Variants in IGDCC4 observed in about 807,000 individuals in gnomAD.
The protein encoded by IGDCC4 is likely ortholog of mouse neighbor of Punc E11.
Under a neutral mutation model 116.6 loss-of-function variants are expected in IGDCC4, and 72 were observed. That is an observed-to-expected ratio of 0.62 (90% confidence interval 0.51 to 0.75). The LOEUF (loss-of-function observed/expected upper bound fraction) is 0.75, where lower values mean the gene tolerates loss of function less well. Ranked by LOEUF, IGDCC4 falls within the 30% of genes least tolerant of loss-of-function variation. The probability of loss-of-function intolerance (pLI) is 0.00; values close to 1 mark genes in which losing one functional copy is unlikely to be tolerated. For missense variants in IGDCC4, 1,501 were observed against 1,662.4 expected, an observed-to-expected ratio of 0.90 and a Z score of 1.69; for synonymous variants, 709 against 719.9, an observed-to-expected ratio of 0.98 and a Z score of 0.24.
At position 65,402,551 on chromosome 15, in the gene IGDCC4, G is replaced by A. The variant is rs990495632; in HGVS notation, c.564-64C>T. 3.4e-5 allele frequency: 52 copies of A among 1,531,562 alleles called. No homozygotes were observed. In the East Asian group the frequency reaches 1.1e-3, roughly 34 times the overall value. 94.9% of individuals were successfully genotyped at this position (1,531,562 alleles called of 1,614,324 possible). A position where few individuals can be genotyped will look rare whatever the true frequency, so the allele number is the denominator to read the frequency against. ...GGGGGCCACAGGGAGGGTGGCTCAT[G>A]GTAAGATAAATGCAAATTAAAACTC... On this transcript the variant is annotated intron_variant, in intron 3 of 19. Transcript: ENST00000352385.
intron 3 of IGDCC4, among the ~76,000 whole-genome samples, chr15:65,404,704 T>C (rs1384383832): frequency 1.3e-5 from 2 of 150,598 alleles, no homozygotes; most frequent in African/African-American, 2.4e-5. Flanking sequence ...AATTAATGAA[T>C]GAATGAATTC....
rs1279969106 is a variant in IGDCC4, at chr15:65,384,232, G to T, written c.3530C>A (p.Ala1177Glu). ...ISGVGDPGQG[A>E]AWLDRELGGC... ...TCCCAACTCCCTGTCCAGCCAGGCT[G>T]CCCCCTGCCCTGGATCCCCAACACC... is the stretch of plus-strand genomic sequence containing the variant. The change falls in exon 20 of 20, where the codon GCA (alanine) becomes GAA (glutamate). Residue 1177 changes from alanine to glutamate, a missense_variant. Ala to Glu is a moderately radical substitution (Grantham distance 107). Around this residue, in one of 3 missense-constraint regions of IGDCC4, gnomAD observed 368 missense variants for 355.6 expected, o/e 1.03. Transcript: ENST00000352385. The surrounding 1 kb of genome is among the most constrained non-coding windows in gnomAD (Gnocchi z 4.9). 1 of 1,598,768 alleles carries T rather than the reference G, an allele frequency of 6.3e-7. No individual in the cohort carries two copies. Among genetic ancestry groups the T allele is most frequent in the Non-Finnish European group, 8.6e-7 (1 of 1,169,178 alleles).
In IGDCC4 at chr15:65,384,240, C is replaced by T. The variant is rs1396751557; in HGVS notation, c.3522G>A (p.Gly1174=). The part of the protein sequence containing the change: ...PDLISGVGDP[G]QGAAWLDREL... ...CCCTGTCCAGCCAGGCTGCCCCCTG[C>T]CCTGGATCCCCAACACCCGAGATGA... Residue 1174 remains glycine (G), a synonymous_variant, in exon 20 of 20, where the codon GGG becomes GGA. Coordinates refer to ENST00000352385, the MANE Select transcript of IGDCC4 (RefSeq NM_020962.3). The surrounding 1 kb of genome is among the most constrained non-coding windows in gnomAD (Gnocchi z 4.9). The T allele has an allele frequency of 3.1e-6, 5 of 1,599,796 alleles. No individual in the cohort carries two copies. Among genetic ancestry groups the T allele is most frequent in the Admixed American group, 1.7e-5 (1 of 59,250 alleles).
At chr15:65,398,688 G>A (rs961528529) in intron 5 of IGDCC4, among the ~76,000 whole-genome samples, 1 of 152,044 alleles carries the variant, frequency 6.6e-6, no homozygotes, top group African/African-American at 2.4e-5. Flanking sequence ...TCAGGAGATG[G>A]AGACCATCCT....
At position 65,395,258 on chromosome 15, in the gene IGDCC4, C is replaced by A. The variant is rs2140205506; in HGVS notation, c.1412G>T (p.Gly471Val). Residue 471 changes from glycine (G) to valine (V), a missense_variant and splice_region_variant, in exon 8 of 20, where the codon GGC (glycine) becomes GTC (valine). Physicochemically the swap from Gly to Val is moderately radical, Grantham distance 109. Around this residue, in one of 3 missense-constraint regions of IGDCC4, gnomAD observed 898 missense variants for 978.9 expected, o/e 0.92. Coordinates refer to ENST00000352385, the MANE Select transcript of IGDCC4 (RefSeq NM_020962.3). ...AAACTGGTATTCCACATTGTCCATG[C>A]CTGGTGACACGGGGGACAAGGGGAC... The part of the protein sequence containing the change: ...GFSLHYQKAR[G>V]MDNVEYQFAV... 6.2e-7 allele frequency: 1 copy of A among 1,608,416 alleles called. No homozygotes were observed. Among genetic ancestry groups the A allele is most frequent in the Non-Finnish European group, 8.5e-7 (1 of 1,175,592 alleles).
At chr15:65,389,502 A>G in intron 13 of IGDCC4, 91 bp from the exon 14 acceptor site, 1 of 1,571,022 alleles carries the variant, frequency 6.4e-7, no homozygotes, top group Non-Finnish European at 8.7e-7. Flanking sequence ...AGTCAGCCCC[A>G]GCCCCAGGCT....
chr15:65,414,255 T>C (rs1391694788), intron 1 of IGDCC4, among the ~76,000 whole-genome samples: 6 of 152,230 alleles, frequency 3.9e-5, no homozygotes, highest in Non-Finnish European at 7.3e-5. Context: ...GGACCTGACC[T>C]GGGCTGCTGC....
rs370933840 is a variant in IGDCC4 at position 65,410,166 on chromosome 15, C to G, written c.563+12G>C. The stretch of plus-strand genomic sequence containing the variant: ...CTGCCTACCAGGACCCGCTCCCCTA[C>G]AGGGCACTCACCGAGGCTCCTCAGG... On this transcript the variant is annotated intron_variant, in intron 3 of 19. Coordinates refer to ENST00000352385, the MANE Select transcript of IGDCC4 (RefSeq NM_020962.3). 3 of 1,612,122 alleles carry G rather than the reference C, an allele frequency of 1.9e-6. No individual in the cohort carries two copies. In the African/African-American group the frequency reaches 4.0e-5, roughly 21 times the overall value.
chr15:65,395,799 C>T lies in IGDCC4; in HGVS notation c.1362G>A (p.Met454Ile). The change falls in exon 7 of 20, where the codon ATG becomes ATA. Residue 454 changes from methionine to isoleucine, a missense_variant. This residue lies in a region of IGDCC4 where 898 missense variants were observed against 978.9 expected (regional missense o/e 0.92). Coordinates refer to ENST00000352385, the MANE Select transcript of IGDCC4 (RefSeq NM_020962.3). The part of the protein sequence containing the change: ...AVLVAWERPE[M>I]HSEQIIGFSL... ...AGAAGCCGATGATCTGCTCGCTGTG[C>T]ATCTCGGGCCGCTCCCAGGCCACCA... 6.7e-7 allele frequency: 1 copy of T among 1,490,944 alleles called. No individual in the cohort carries two copies. Among genetic ancestry groups the T allele is most frequent in the Non-Finnish European group, 9.0e-7 (1 of 1,115,146 alleles). 92.4% of individuals were successfully genotyped at this position (1,490,944 alleles called of 1,614,324 possible).
Position 65,388,397 on chromosome 15 carries a change from G to A in IGDCC4, c.2845+52C>T, listed in dbSNP as rs1322184041. The A allele has an allele frequency of 3.4e-5, 54 of 1,610,534 alleles. 1 individual carries two copies. The Admixed American group carries it at 8.8e-4, about 26-fold the overall frequency. ...AATGAAATTGTAGTTGTGTCCACAG[G>A]CAGGGGCTTGGAAGTCAATCCAGGG... On this transcript the variant is annotated intron_variant, in intron 16 of 19. Coordinates refer to ENST00000352385, the MANE Select transcript of IGDCC4 (RefSeq NM_020962.3).
intron 1 of IGDCC4, among the ~76,000 whole-genome samples, chr15:65,418,756 T>G (rs957833339): frequency 6.6e-6 from 1 of 152,132 alleles, no homozygotes; most frequent in Non-Finnish European, 1.5e-5. Context: ...GGTAATGACA[T>G]CTGCTCTGCA....
chr15:65,399,999 G>C (rs2062969269), intron 5 of IGDCC4, among the ~76,000 whole-genome samples: 1 of 152,172 alleles, frequency 6.6e-6, no homozygotes, highest in Non-Finnish European at 1.5e-5. Context: ...GAACAGACTT[G>C]AAAGCTTGGG....
Position 65,396,114 on chromosome 15 carries a change from C to T in IGDCC4, c.1047G>A (p.Ala349=). Residue 349 remains alanine, a synonymous_variant, in exon 7 of 20, where the codon GCG becomes GCA. Coordinates refer to ENST00000352385, the MANE Select transcript of IGDCC4 (RefSeq NM_020962.3). ...QAPEALSRTR[A]STARFVCRAS... ...CGCGGCACACGAAGCGCGCTGTGCT[C>T]GCCCGCGTCCGCGACAGCGCCTCGG... is the stretch of plus-strand genomic sequence containing the variant. The T allele has an allele frequency of 6.9e-7, 1 of 1,452,772 alleles. No homozygotes were observed. The highest frequency in any genetic ancestry group is 9.0e-7 in the Non-Finnish European group (1 of 1,109,770). The allele number at this position is 1,452,772 out of a possible 1,614,324, so 90.0% of individuals were successfully genotyped here.
At chr15:65,396,249 C>T (rs1595782597) in intron 6 of IGDCC4, 86 bp from the exon 7 acceptor site, 1 of 1,354,102 alleles carries the variant, frequency 7.4e-7, no homozygotes, top group Non-Finnish European at 1.0e-6. Flanking sequence ...CTGCCCCCCA[C>T]CGCCCTCCCT....
rs1201735125 is a variant in IGDCC4, at chr15:65,393,371, G to T, written c.1875C>A (p.Asn625Lys). The T allele has an allele frequency of 6.2e-7, 1 of 1,611,664 alleles. No homozygotes were observed. Among genetic ancestry groups the T allele is most frequent in the Non-Finnish European group, 8.5e-7 (1 of 1,178,740 alleles). ...WMHHRTPSMH[N>K]QSHVPFAPAE... ...CCTCTAACCCCGTACCATGGCTCTG[G>T]TTGTGCATACTGGGCGTCCTGTGAT... The change falls in exon 10 of 20, where the codon AAC (asparagine) becomes AAA (lysine). Residue 625 changes from asparagine (N) to lysine (K), a missense_variant. Around this residue, in one of 3 missense-constraint regions of IGDCC4, gnomAD observed 898 missense variants for 978.9 expected, o/e 0.92. Transcript: ENST00000352385. The surrounding 1 kb of genome is among the most constrained non-coding windows in gnomAD (Gnocchi z 4.6).
chr15:65,403,993 G>A (rs2063016869), intron 3 of IGDCC4, among the ~76,000 whole-genome samples: 1 of 152,128 alleles, frequency 6.6e-6, no homozygotes, highest in African/African-American at 2.4e-5. Flanking sequence ...TTTCTCAACA[G>A]AGCAAATGGT....
chr15:65,396,049 T>C lies in IGDCC4; in HGVS notation c.1112A>G (p.Asn371Ser), dbSNP rs1254482475. 1 of 1,444,310 alleles carries C rather than the reference T, an allele frequency of 6.9e-7. No individual in the cohort carries two copies. 89.5% of individuals were successfully genotyped at this position (1,444,310 alleles called of 1,614,324 possible). Residue 371 changes from asparagine (N) to serine (S), a missense_variant, in exon 7 of 20, where the codon AAC becomes AGC. Transcript: ENST00000352385. ...EPRPALRWLH[N>S]GAPLRPNGRV... ...CCCGTTGGGCCGCAGCGGCGCCCCG[T>C]TGTGCAGCCAGCGCAGCGCTGGCCG...
intron 12 of IGDCC4, among the ~76,000 whole-genome samples, chr15:65,391,276 T>A (rs1413771954): frequency 6.6e-6 from 1 of 152,174 alleles, no homozygotes; most frequent in Non-Finnish European, 1.5e-5. Context: ...GGTTGATTAC[T>A]CCCTCTGCTA....
chr15:65,385,980 T>TG lies in IGDCC4; in HGVS notation c.3030dup (p.Ser1011GlnfsTer7), dbSNP rs771839118. On this transcript the variant is annotated frameshift_variant, in exon 18 of 20. Coordinates refer to ENST00000352385, the MANE Select transcript of IGDCC4 (RefSeq NM_020962.3). LOFTEE classifies it high-confidence loss of function. The stretch of plus-strand genomic sequence containing the variant: ...TCCAATTCATGGGCAGCTGGGGGGC[T>TG]GGGGGGGCCAAGCCGAGCTCTGGAG... The TG allele has an allele frequency of 3.0e-5, 29 of 953,854 alleles. No homozygotes were observed. The highest frequency in any genetic ancestry group is 2.7e-4 in the Admixed American group (7 of 26,346). 59.1% of individuals were successfully genotyped at this position (953,854 alleles called of 1,614,324 possible).
Sources: gnomAD v4.1 joint callset for allele counts (sites outside exome capture counted in the v4.1 genomes callset) on GRCh38, gnomAD v4.1.1 for gene constraint, gnomAD v4.1.1 regional missense constraint, Gnocchi (gnomAD v3.1) non-coding constraint, MANE v1.5 for transcripts, NCBI Gene and HGNC (gene_info 2026-07-23, HGNC 2026-07-21) for gene names.